Variants in SHROOM4 observed in about 807,000 individuals in gnomAD.
SHROOM4 encodes the protein shroom family member 4.
In SHROOM4, 17 loss-of-function variants were observed where a neutral mutation model predicts 80.3. The ratio of observed to expected loss-of-function variants is 0.21; its 90% CI spans 0.14 to 0.32. SHROOM4 has a LOEUF of 0.32. Ranked by LOEUF, SHROOM4 falls within the 10% of genes least tolerant of loss-of-function variation. The probability of loss-of-function intolerance (pLI) is 1.00; values close to 1 mark genes in which losing one functional copy is unlikely to be tolerated. For missense variants in SHROOM4, 993 were observed against 1,140.3 expected (o/e 0.87, Z 1.86); for synonymous variants, 400 against 437.5 (o/e 0.91, Z 1.07).
intron 1 of SHROOM4, among the ~76,000 whole-genome samples, chrX:50,713,972 C>T (rs781828054): frequency 2.7e-5 from 3 of 111,707 alleles, no homozygotes; most frequent in Non-Finnish European, 5.6e-5. Flanking sequence ...ATCTTTAATT[C>T]ATCTTGATTT....
At chrX:50,799,829 C>G (rs1415810036) in intron 1 of SHROOM4, among the ~76,000 whole-genome samples, 1 of 111,966 alleles carries the variant, frequency 8.9e-6, no homozygotes, top group East Asian at 2.8e-4. Flanking sequence ...AGTGGGATGG[C>G]TGTTGTTTTA....
chrX:50,583,727 C>G (rs956812364), downstream of SHROOM4, among the ~76,000 whole-genome samples: 1 of 111,063 alleles, frequency 9.0e-6, no homozygotes, highest in Non-Finnish European at 1.9e-5. Flanking sequence ...GAAAGCAGTG[C>G]CCTCAGCTCT....
intron 7 of SHROOM4, among the ~76,000 whole-genome samples, chrX:50,599,315 G>A (rs1557247319): frequency 9.0e-6 from 1 of 111,288 alleles, no homozygotes; most frequent in Non-Finnish European, 1.9e-5. Context: ...TCCTTAGCTT[G>A]GCTTTTGAGG....
chrX:50,772,578 T>A (rs1935419488), intron 1 of SHROOM4, among the ~76,000 whole-genome samples: 1 of 111,335 alleles, frequency 9.0e-6, no homozygotes, highest in Admixed American at 9.6e-5. Context: ...ATTATACTTT[T>A]GATTACTTAC....
At chrX:50,810,754 G>A (rs1225531517) in intron 1 of SHROOM4, among the ~76,000 whole-genome samples, 1 of 111,935 alleles carries the variant, frequency 8.9e-6, no homozygotes, top group East Asian at 2.8e-4. Context: ...ACTAACAGAA[G>A]AATCAGAAAC....
At position 50,809,031 on chromosome X, in the gene SHROOM4, T is replaced by C. The variant is rs139930409; in HGVS notation, c.117+4871A>G. ...TTGTATCTCTCTGATGGATTTCTAA[T>C]CCATGCCTCAAAATGCCCTCTACTT... On this transcript the variant is annotated intron_variant, in intron 1 of 8. Transcript: ENST00000376020. 3.2e-4 allele frequency among the ~76,000 whole-genome samples: 36 copies of C among 111,082 alleles called. No individual in the cohort carries two copies. In the East Asian group the frequency reaches 9.7e-3, roughly 30 times the overall value.
At chrX:50,704,567 T>C (rs1299373232) in intron 1 of SHROOM4, among the ~76,000 whole-genome samples, 1 of 111,695 alleles carries the variant, frequency 9.0e-6, no homozygotes, top group Non-Finnish European at 1.9e-5. Flanking sequence ...TTATTTATAA[T>C]CCATTATGCA....
the SHROOM4 span, among the ~76,000 whole-genome samples, chrX:50,581,172 AAC>A: frequency 1.8e-5 from 2 of 112,406 alleles, no homozygotes; most frequent in African/African-American, 6.5e-5. Flanking sequence ...AGGAAAGATC[AAC>A]AGTGTGGTAG....
At chrX:50,683,139 G>A (rs189893477) in intron 2 of SHROOM4, among the ~76,000 whole-genome samples, 187 of 111,419 alleles carry the variant, frequency 1.7e-3, no homozygotes, top group African/African-American at 5.7e-3. Context: ...TTGTGATCAT[G>A]TAAGTTAATA....
intron 2 of SHROOM4, among the ~76,000 whole-genome samples, chrX:50,648,934 G>A (rs1040420089): frequency 8.9e-6 from 1 of 111,990 alleles, no homozygotes; most frequent in African/African-American, 3.3e-5. Flanking sequence ...TTATAGGAAA[G>A]TTATTATGGT....
chrX:50,640,437 A>G (rs1334851637), intron 2 of SHROOM4, among the ~76,000 whole-genome samples: 1 of 106,142 alleles, frequency 9.4e-6, no homozygotes, highest in African/African-American at 3.5e-5. Flanking sequence ...TGGCCATTAG[A>G]CAGAACCACA....
At chrX:50,813,236 G>A (rs1936386946) in intron 1 of SHROOM4, among the ~76,000 whole-genome samples, 1 of 111,349 alleles carries the variant, frequency 9.0e-6, no homozygotes, top group Non-Finnish European at 1.9e-5. Context: ...GCTCCATGGC[G>A]CAAGTTTCCT....
intron 1 of SHROOM4, among the ~76,000 whole-genome samples, chrX:50,810,235 T>C (rs1453868117): frequency 1.8e-5 from 2 of 111,240 alleles, no homozygotes; most frequent in African/African-American, 6.6e-5. Context: ...TTCCCCATAT[T>C]CAGGGAAATC....
downstream of SHROOM4, among the ~76,000 whole-genome samples, chrX:50,583,594 C>T (rs1928702796): frequency 9.0e-6 from 1 of 111,606 alleles, no homozygotes; most frequent in Non-Finnish European, 1.9e-5. Context: ...AGCCATGTTG[C>T]CATATTATAA....
chrX:50,773,931 T>C (rs1217149138), intron 1 of SHROOM4, among the ~76,000 whole-genome samples: 2 of 112,217 alleles, frequency 1.8e-5, no homozygotes, highest in Non-Finnish European at 3.8e-5. Flanking sequence ...TGAAGGCAGA[T>C]CCAAAGAAGA....
At chrX:50,724,909 C>A (rs1307275683) in intron 1 of SHROOM4, among the ~76,000 whole-genome samples, 1 of 112,357 alleles carries the variant, frequency 8.9e-6, no homozygotes, top group Non-Finnish European at 1.9e-5. Context: ...GCTGATAGAA[C>A]TTCCAGAATA....
chrX:50,645,515 T>C (rs1557257794), intron 2 of SHROOM4, among the ~76,000 whole-genome samples: 1 of 111,436 alleles, frequency 9.0e-6, no homozygotes, highest in African/African-American at 3.3e-5. Flanking sequence ...AGCATGTTCA[T>C]GGAGCTGGCT....
intron 1 of SHROOM4, among the ~76,000 whole-genome samples, chrX:50,713,097 G>C (rs1198109950): frequency 9.0e-6 from 1 of 110,773 alleles, no homozygotes; most frequent in African/African-American, 3.3e-5. Flanking sequence ...ATAAAGCACA[G>C]CAGAAAAGAA....
Position 50,655,663 on chromosome X carries a change from G to A in SHROOM4, c.270-17355C>T, listed in dbSNP as rs782296714. Among the ~76,000 whole-genome samples the A allele has an allele frequency of 4.7e-5, 5 of 105,649 alleles. No homozygotes were observed. The South Asian group carries it at 2.0e-3, about 43-fold the overall frequency. 91.7% of individuals were successfully genotyped at this position (105,649 alleles called of 115,157 possible). ...ATTCATTTATAACACATTCATTCAA[G>A]TGTTGTTGGACACTTAGATTTATTC... On this transcript the variant is annotated intron_variant, in intron 2 of 8. Transcript: ENST00000376020.
Sources: gnomAD v4.1 joint callset for allele counts (sites outside exome capture counted in the v4.1 genomes callset) on GRCh38, gnomAD v4.1.1 for gene constraint, MANE v1.5 for transcripts, NCBI Gene and HGNC (gene_info 2026-07-23, HGNC 2026-07-21) for gene names.